ZNF33A: variants seen among roughly 807,000 people sequenced by gnomAD.
The protein encoded by ZNF33A is zinc finger protein 33A.
In ZNF33A, 9 loss-of-function variants were observed where a neutral mutation model predicts 15.9. The observed-to-expected ratio is 0.57, with a 90% CI of 0.34 to 0.99. The LOEUF is 0.99. ZNF33A is among the 50% of genes least tolerant of loss of function. The pLI is 0.02. For synonymous variants in ZNF33A, 294 were observed against 324.2 expected, an observed-to-expected ratio of 0.91 and a Z score of 1.00; for missense variants, 843 against 941.6, an observed-to-expected ratio of 0.90 and a Z score of 1.37.
At chr10:38,061,635 C>T (rs1045788532), downstream of ZNF33A, among the ~76,000 whole-genome samples, 10 of 152,034 alleles carry the variant, frequency 6.6e-5, no homozygotes, top group African/African-American at 2.4e-4. Flanking sequence ...GTTTGTGCCC[C>T]CTCCAAAAGT....
chr10:38,029,664 AC>A (rs2065130683), intron 4 of ZNF33A, among the ~76,000 whole-genome samples: 1 of 152,198 alleles, frequency 6.6e-6, no homozygotes. Context: ...CTCAAGAACA[AC>A]AACAAAATGA....
intron 4 of ZNF33A, among the ~76,000 whole-genome samples, chr10:38,018,670 A>G (rs764462826): frequency 1.3e-5 from 2 of 152,196 alleles, no homozygotes; most frequent in African/African-American, 2.4e-5. Flanking sequence ...TGATTGTGGT[A>G]GCTTAGACAG....
chr10:38,024,001 A>G (rs1282902163), intron 4 of ZNF33A, among the ~76,000 whole-genome samples: 1 of 151,928 alleles, frequency 6.6e-6, no homozygotes, highest in Non-Finnish European at 1.5e-5. Context: ...TCTACTAAAA[A>G]TACAAAATTA....
intron 4 of ZNF33A, among the ~76,000 whole-genome samples, chr10:38,044,919 C>T (rs374326459): frequency 2.2e-4 from 33 of 152,066 alleles, no homozygotes; most frequent in African/African-American, 7.2e-4. Context: ...CCACCTGCCT[C>T]GACCTCCCAA....
chr10:38,046,796 G>A (rs576171407), intron 4 of ZNF33A, among the ~76,000 whole-genome samples: 11 of 151,628 alleles, frequency 7.3e-5, no homozygotes, highest in African/African-American at 2.7e-4. Context: ...AGACACGGAA[G>A]ATTTAAAAAA....
At chr10:38,066,536 G>A (rs2066711138), downstream of ZNF33A, among the ~76,000 whole-genome samples, 1 of 151,938 alleles carries the variant, frequency 6.6e-6, no homozygotes, top group Non-Finnish European at 1.5e-5. Flanking sequence ...ACAGGCATGA[G>A]CCACCGCACC....
In ZNF33A at chr10:38,055,089, G is replaced by T; in HGVS notation, c.965G>T (p.Gly322Val). 1 of 1,614,156 alleles carries T rather than the reference G, an allele frequency of 6.2e-7. No individual in the cohort carries two copies. The highest frequency in any genetic ancestry group is 1.3e-5 in the African/African-American group (1 of 75,062). Residue 322 changes from glycine to valine, a missense_variant, in exon 5 of 5, where the codon GGT (glycine) becomes GTT (valine). Transcript: ENST00000432900. ...RKLCLSHLQKGDKGEKHFECN... is the reference protein window; with the variant it reads ...RKLCLSHLQKVDKGEKHFECN... ...TTGTGTCTGTCACACCTTCAGAAAG[G>T]TGATAAAGGAGAGAAACACTTTGAA... is the stretch of plus-strand genomic sequence containing the variant.
chr10:38,027,547 C>T (rs987690756), intron 4 of ZNF33A, among the ~76,000 whole-genome samples: 6 of 150,560 alleles, frequency 4.0e-5, no homozygotes, highest in East Asian at 2.0e-4. Context: ...TTGGTGGAAA[C>T]GGCATGTTGC....
At chr10:38,067,235 G>A (rs112219284), downstream of ZNF33A, among the ~76,000 whole-genome samples, 1,683 of 151,826 alleles carry the variant, frequency 0.011, 39 homozygotes, top group African/African-American at 0.039. Context: ...GGCAGAGATA[G>A]GGGTCTTACT....
chr10:38,053,465 A>G (rs535898596), intron 4 of ZNF33A, among the ~76,000 whole-genome samples: 5 of 152,234 alleles, frequency 3.3e-5, no homozygotes, highest in East Asian at 3.9e-4. Context: ...TCTTACCCTT[A>G]TGACCTCATT....
intron 4 of ZNF33A, among the ~76,000 whole-genome samples, chr10:38,027,461 C>T (rs1416547090): frequency 6.6e-6 from 1 of 151,970 alleles, no homozygotes; most frequent in South Asian, 2.1e-4. Flanking sequence ...TCAAGTGATC[C>T]TCCCCATTCA....
At chr10:38,031,687 G>A (rs1287522431) in intron 4 of ZNF33A, among the ~76,000 whole-genome samples, 8 of 151,834 alleles carry the variant, frequency 5.3e-5, no homozygotes, top group Admixed American at 1.3e-4. Context: ...GTAATAGGCC[G>A]GGTGCGGTAG....
At chr10:38,049,451 T>C (rs2066098605) in intron 4 of ZNF33A, among the ~76,000 whole-genome samples, 1 of 152,120 alleles carries the variant, frequency 6.6e-6, no homozygotes, top group East Asian at 1.9e-4. Context: ...AAATATGCAT[T>C]GTGTGTGTTT....
Position 38,055,895 on chromosome 10 carries a change from T to C in ZNF33A, c.1771T>C (p.Tyr591His). 1 of 1,613,864 alleles carries C rather than the reference T, an allele frequency of 6.2e-7. No homozygotes were observed. The highest frequency in any genetic ancestry group is 2.2e-5 in the East Asian group (1 of 44,830). Residue 591 changes from tyrosine (Y) to histidine (H), a missense_variant, in exon 5 of 5, where the codon TAC becomes CAC. Coordinates refer to ENST00000432900, the MANE Select transcript of ZNF33A (RefSeq NM_006954.2). ...ATGTCATGAATGTGGAAAAATCTTT[T>C]ACAATAAATCATACCTAACTAAACA... is the stretch of plus-strand genomic sequence containing the variant. Reference protein sequence around the residue: ...YECHECGKIFYNKSYLTKHNR... With the variant: ...YECHECGKIFHNKSYLTKHNR...
chr10:38,022,392 C>T (rs2064786409), intron 4 of ZNF33A, among the ~76,000 whole-genome samples: 1 of 152,100 alleles, frequency 6.6e-6, no homozygotes, highest in African/African-American at 2.4e-5. Context: ...TGTGGTGGCT[C>T]ATGCCTGTTA....
At chr10:38,030,976 G>A (rs560387523) in intron 4 of ZNF33A, among the ~76,000 whole-genome samples, 1 of 152,292 alleles carries the variant, frequency 6.6e-6, no homozygotes, top group Non-Finnish European at 1.5e-5. Context: ...TGTTAGGAAG[G>A]CAGAGAGGGT....
At chr10:38,017,166 G>C (rs2064492852) in intron 3 of ZNF33A, 125 bp from the exon 4 acceptor site, 2 of 1,370,476 alleles carry the variant, frequency 1.5e-6, no homozygotes, top group Admixed American at 4.5e-5. Flanking sequence ...GAAGATACTT[G>C]TGTTCACCTC....
chr10:38,065,397 T>G (rs1178503633), downstream of ZNF33A, among the ~76,000 whole-genome samples: 1 of 152,164 alleles, frequency 6.6e-6, no homozygotes, highest in Non-Finnish European at 1.5e-5. Flanking sequence ...CATTCCTTAG[T>G]GTTTCATGTG....
At chr10:38,017,717 G>T (rs190078082) in intron 4 of ZNF33A, 2 of 193,070 alleles carry the variant, frequency 1.0e-5, no homozygotes, top group Admixed American at 1.1e-4. Flanking sequence ...CTTGTTTTGT[G>T]TTTATTCTGT....
Sources: gnomAD v4.1 joint callset for allele counts (sites outside exome capture counted in the v4.1 genomes callset) on GRCh38, gnomAD v4.1.1 for gene constraint, MANE v1.5 for transcripts, NCBI Gene and HGNC (gene_info 2026-07-23, HGNC 2026-07-21) for gene names.